The following SULF1 variants were observed in gnomAD, a reference collection of about 807,000 sequenced individuals.
SULF1 encodes the protein extracellular sulfatase Sulf-1.
In SULF1, 46 loss-of-function variants were observed where a neutral mutation model predicts 110.5. The ratio of observed to expected loss-of-function variants is 0.42; its 90% confidence interval spans 0.33 to 0.53. The LOEUF (loss-of-function observed/expected upper bound fraction) is 0.53, where lower values mean the gene tolerates loss of function less well. Among genes scored for constraint, SULF1 ranks in the 20% least tolerant of loss-of-function variants. The pLI is 0.12. For synonymous variants in SULF1, 371 were observed against 387.1 expected (o/e 0.96, Z 0.49); for missense variants, 941 against 1,094.2 (o/e 0.86, Z 1.98).
chr8:69,572,649 C>A (rs1805317439), intron 5 of SULF1, among the ~76,000 whole-genome samples: 1 of 152,168 alleles, frequency 6.6e-6, no homozygotes, highest in Non-Finnish European at 1.5e-5. Context: ...GCAGCTTCGG[C>A]TTCACCCAGG....
intron 3 of SULF1, among the ~76,000 whole-genome samples, chr8:69,504,531 G>T (rs1811047339): frequency 6.6e-6 from 1 of 151,984 alleles, no homozygotes; most frequent in Admixed American, 6.6e-5. Flanking sequence ...CTCCAGCCTG[G>T]GCAACAGAGC....
intron 13 of SULF1, among the ~76,000 whole-genome samples, chr8:69,606,346 AT>A (rs1311404391): frequency 3.9e-5 from 6 of 152,198 alleles, no homozygotes; most frequent in African/African-American, 1.4e-4. Context: ...TTATATTTTA[AT>A]TTGAAGTCTT....
intron 15 of SULF1, among the ~76,000 whole-genome samples, chr8:69,626,410 A>G (rs1810030724): frequency 6.6e-6 from 1 of 152,252 alleles, no homozygotes; most frequent in African/African-American, 2.4e-5. Context: ...TCAGGAGCCC[A>G]GCTGGCTTCA....
At chr8:69,625,517 G>A (rs1026297463) in intron 15 of SULF1, among the ~76,000 whole-genome samples, 5 of 152,144 alleles carry the variant, frequency 3.3e-5, no homozygotes, top group African/African-American at 7.2e-5. Flanking sequence ...AGATGTGTTC[G>A]GAGTTTCTTC....
chr8:69,508,531 A>G (rs1188363283), intron 3 of SULF1, among the ~76,000 whole-genome samples: 2 of 152,248 alleles, frequency 1.3e-5, no homozygotes, highest in Admixed American at 6.5e-5. Context: ...GTAGCCTTTA[A>G]AGAAATCTAA....
chr8:69,485,739 C>G (rs902543819), intron 1 of SULF1, among the ~76,000 whole-genome samples: 1 of 152,216 alleles, frequency 6.6e-6, no homozygotes, highest in South Asian at 2.1e-4. Flanking sequence ...TTCCCACACT[C>G]CTGCCCTCTG....
At chr8:69,642,273 A>G (rs1425202790) in intron 22 of SULF1, 8 of 987,138 alleles carry the variant, frequency 8.1e-6, no homozygotes, top group African/African-American at 3.5e-5. Flanking sequence ...CTCCAGAGCT[A>G]TGGTCTCAGA....
In SULF1 at chr8:69,659,737, T is replaced by C. The variant is rs191896243; in HGVS notation, c.*1202T>C. The C allele has an allele frequency of 1.1e-3, 171 of 153,374 alleles. No individual in the cohort carries two copies. The highest frequency in any genetic ancestry group is 1.4e-3 in the Non-Finnish European group (95 of 68,506). 9.5% of individuals were successfully genotyped at this position (153,374 alleles called of 1,614,324 possible). A position where few individuals can be genotyped will look rare whatever the true frequency, so the allele number is the denominator to read the frequency against. On this transcript the variant is annotated 3_prime_UTR_variant, in exon 23 of 23. Transcript: ENST00000402687. ...CACTGCCTGCGTAATGAAGTTTTGATTCATTTTTAACCACTGGAATTTTTC... is the reference window on the plus strand; with the variant it reads ...CACTGCCTGCGTAATGAAGTTTTGACTCATTTTTAACCACTGGAATTTTTC...
intron 1 of SULF1, among the ~76,000 whole-genome samples, chr8:69,484,318 T>C (rs999067578): frequency 6.6e-6 from 1 of 152,222 alleles, no homozygotes. Context: ...CACCACATCT[T>C]ATCTGCATCA....
upstream of SULF1, among the ~76,000 whole-genome samples, chr8:69,489,459 T>C (rs928490652): frequency 7.3e-5 from 11 of 151,360 alleles, no homozygotes; most frequent in Non-Finnish European, 1.5e-4. Context: ...TTTTAGTCTG[T>C]CACAAGGTAA....
At chr8:69,549,770 GA>G (rs1814560456) in intron 3 of SULF1, among the ~76,000 whole-genome samples, 1 of 152,100 alleles carries the variant, frequency 6.6e-6, no homozygotes, top group African/African-American at 2.4e-5. Flanking sequence ...TGTCACCAAG[GA>G]TTAATTAATC....
chr8:69,646,672 G>T lies in SULF1; in HGVS notation c.2585+5831G>T, dbSNP rs1215916064. Reference sequence around the variant, plus strand: ...TCCCAAGATTACACAGCTGATAAATGGTGAAATTCAAACCCAGCGAGTCTG... The same window carrying T: ...TCCCAAGATTACACAGCTGATAAATTGTGAAATTCAAACCCAGCGAGTCTG... On this transcript the variant is annotated intron_variant, in intron 22 of 22. Transcript: ENST00000402687. 2.0e-5 allele frequency among the ~76,000 whole-genome samples: 3 copies of T among 152,204 alleles called. No homozygotes were observed. The East Asian group carries it at 5.8e-4, about 29-fold the overall frequency.
intron 13 of SULF1, among the ~76,000 whole-genome samples, chr8:69,611,772 G>T (rs1808676365): frequency 1.3e-5 from 2 of 152,172 alleles, no homozygotes; most frequent in Admixed American, 6.5e-5. Context: ...TGGTAACCAA[G>T]AACTAGTGTG....
At chr8:69,565,332 T>A (rs1815799851) in intron 5 of SULF1, among the ~76,000 whole-genome samples, 1 of 152,206 alleles carries the variant, frequency 6.6e-6, no homozygotes, top group Admixed American at 6.5e-5. Flanking sequence ...AGTATGTATG[T>A]AAGTGGTGGT....
intron 1 of SULF1, among the ~76,000 whole-genome samples, chr8:69,482,082 T>C (rs1809539165): frequency 3.9e-5 from 6 of 152,038 alleles, no homozygotes; most frequent in Admixed American, 3.9e-4. Context: ...CCACATAAAA[T>C]AGCAAACTGT....
At chr8:69,620,868 G>A (rs933148848) in intron 13 of SULF1, among the ~76,000 whole-genome samples, 167 bp from the exon 14 acceptor site, 3 of 152,098 alleles carry the variant, frequency 2.0e-5, no homozygotes, top group Admixed American at 6.5e-5. Context: ...ACTGAGAGTC[G>A]AGTTAGTGCA....
intron 3 of SULF1, among the ~76,000 whole-genome samples, chr8:69,509,777 A>C (rs1586261309): frequency 6.6e-6 from 1 of 152,164 alleles, no homozygotes; most frequent in Non-Finnish European, 1.5e-5. Flanking sequence ...CCAAGCACTG[A>C]CTTATGGAGG....
intron 3 of SULF1, among the ~76,000 whole-genome samples, chr8:69,535,582 G>A (rs533890902): frequency 6.0e-4 from 92 of 152,236 alleles, no homozygotes; most frequent in African/African-American, 1.6e-3. Context: ...GGCCTCTAGC[G>A]TTAGGATGTA....
chr8:69,628,130 C>A, intron 17 of SULF1, 41 bp from the exon 18 acceptor site: 1 of 1,511,118 alleles, frequency 6.6e-7, no homozygotes, highest in Non-Finnish European at 9.2e-7. Flanking sequence ...TGATCCAATG[C>A]AAGGCTATGA....
Sources: allele counts gnomAD v4.1 joint callset (sites outside exome capture counted in the v4.1 genomes callset), GRCh38; gene constraint gnomAD v4.1.1; transcripts MANE v1.5; gene names NCBI Gene and HGNC (gene_info 2026-07-23, HGNC 2026-07-21).